PLCB4: variants seen among roughly 807,000 people sequenced by gnomAD.
PLCB4 encodes phospholipase C beta 4, also known as 1-phosphatidylinositol 4,5-bisphosphate phosphodiesterase beta-4.
In PLCB4, 77 loss-of-function variants were observed where a neutral mutation model predicts 178.8. The observed-to-expected ratio is 0.43, with a 90% CI of 0.36 to 0.52. The LOEUF (loss-of-function observed/expected upper bound fraction) is 0.52, where lower values mean the gene tolerates loss of function less well. Among genes scored for constraint, PLCB4 ranks in the 20% least tolerant of loss-of-function variants. The pLI is 0.00. For missense variants in PLCB4, 1,024 were observed against 1,453.4 expected (o/e 0.70, Z 4.80); for synonymous variants, 496 against 490.8 (o/e 1.01, Z -0.14).
At chr20:9,350,847 C>T (rs953495446) in intron 7 of PLCB4, among the ~76,000 whole-genome samples, 45 of 152,190 alleles carry the variant, frequency 3.0e-4, no homozygotes, top group African/African-American at 1.0e-3. Flanking sequence ...CGTGAGCCAC[C>T]GTGCACAGCC....
chr20:9,410,991 T>A, intron 24 of PLCB4, 46 bp from the exon 25 acceptor site: 1 of 1,448,598 alleles, frequency 6.9e-7, no homozygotes, highest in East Asian at 2.3e-5. Context: ...CAGGGTCTTT[T>A]TTGTCTAGGA....
intron 17 of PLCB4, among the ~76,000 whole-genome samples, chr20:9,392,772 G>A (rs1263138252): frequency 6.6e-6 from 1 of 152,124 alleles, no homozygotes; most frequent in Admixed American, 6.5e-5. Context: ...GTTATACCAC[G>A]CTGCTGGAAG....
At chr20:9,190,505 CT>C (rs1289722512) in intron 2 of PLCB4, among the ~76,000 whole-genome samples, 4 of 152,162 alleles carry the variant, frequency 2.6e-5, no homozygotes, top group Admixed American at 2.0e-4. Context: ...TTGTAAACCT[CT>C]TTTCTTTATA....
chr20:9,476,604 G>T (rs2044562276), intron 38 of PLCB4, 113 bp from the exon 39 acceptor site: 9 of 711,892 alleles, frequency 1.3e-5, no homozygotes, highest in Admixed American at 4.5e-5. Flanking sequence ...TTAGCTTTTT[G>T]CTTTTCTGTA....
In PLCB4 at chr20:9,373,517, C is replaced by A. The variant is rs374844668; in HGVS notation, c.744+413C>A. Among the ~76,000 whole-genome samples the A allele has an allele frequency of 3.7e-4, 57 of 152,218 alleles. No individual in the cohort carries two copies. The East Asian group carries it at 9.6e-3, about 26-fold the overall frequency. On this transcript the variant is annotated intron_variant, in intron 12 of 39. Transcript: ENST00000378473. ...CTCCATTGCTAACTTTATCTCATAC[C>A]TTTGCATGGACTGGAAAGCTTTATT...
At chr20:9,397,865 T>C (rs1792124200) in intron 19 of PLCB4, among the ~76,000 whole-genome samples, 1 of 152,204 alleles carries the variant, frequency 6.6e-6, no homozygotes, top group Non-Finnish European at 1.5e-5. Context: ...TCTGTCATAA[T>C]TCTGTGGGTC....
chr20:9,213,724 T>G (rs997381110), intron 2 of PLCB4, among the ~76,000 whole-genome samples: 1 of 152,226 alleles, frequency 6.6e-6, no homozygotes, highest in African/African-American at 2.4e-5. Context: ...TTTTAACCAT[T>G]TGAGCAACTG....
intron 14 of PLCB4, among the ~76,000 whole-genome samples, chr20:9,385,119 TTGGGG>T (rs2037473891): frequency 6.6e-6 from 1 of 152,108 alleles, no homozygotes; most frequent in Non-Finnish European, 1.5e-5. Context: ...GAGCACGGGG[TTGGGG>T]GTAAGATTAT....
At chr20:9,444,942 A>G (rs1443173616) in intron 32 of PLCB4, among the ~76,000 whole-genome samples, 2 of 152,184 alleles carry the variant, frequency 1.3e-5, no homozygotes, top group Non-Finnish European at 2.9e-5. Context: ...GCACCTAGAG[A>G]GAGAACACTT....
chr20:9,186,845 G>A (rs1221993377), intron 2 of PLCB4, among the ~76,000 whole-genome samples: 1 of 152,124 alleles, frequency 6.6e-6, no homozygotes, highest in Non-Finnish European at 1.5e-5. Context: ...AACCCCCAAT[G>A]AAACCATCAG....
intron 2 of PLCB4, among the ~76,000 whole-genome samples, chr20:9,201,491 A>C (rs549656744): frequency 7.1e-4 from 108 of 152,292 alleles, no homozygotes; most frequent in Non-Finnish European, 1.4e-3. Context: ...TGTAGAGGGA[A>C]TATTTCTTCT....
At chr20:9,308,349 G>C (rs1011093094) in intron 4 of PLCB4, among the ~76,000 whole-genome samples, 15 of 152,142 alleles carry the variant, frequency 9.9e-5, no homozygotes, top group Non-Finnish European at 1.9e-4. Flanking sequence ...CCAAAGCTTT[G>C]CATGCCTCTG....
At chr20:9,131,524 C>A (rs2092272657) in intron 2 of PLCB4, among the ~76,000 whole-genome samples, 1 of 152,162 alleles carries the variant, frequency 6.6e-6, no homozygotes, top group African/African-American at 2.4e-5. Flanking sequence ...CAGAGTGCTT[C>A]TGTTTGGCCC....
At chr20:9,395,061 G>A (rs1007769222) in intron 18 of PLCB4, among the ~76,000 whole-genome samples, 53 of 151,866 alleles carry the variant, frequency 3.5e-4, no homozygotes, top group Admixed American at 2.0e-4. Flanking sequence ...GTCTTATTTT[G>A]TATAGTAGGA....
At chr20:9,076,982 C>G (rs1445912144) in intron 1 of PLCB4, among the ~76,000 whole-genome samples, 2 of 151,676 alleles carry the variant, frequency 1.3e-5, no homozygotes, top group Non-Finnish European at 2.9e-5. Flanking sequence ...GTTTAGAATG[C>G]CTCTTTCCCT....
At chr20:9,082,597 A>C (rs759806474) in intron 1 of PLCB4, among the ~76,000 whole-genome samples, 7 of 152,228 alleles carry the variant, frequency 4.6e-5, no homozygotes, top group Non-Finnish European at 1.0e-4. Flanking sequence ...AGTGCAGACA[A>C]CATTTAGGAG....
At chr20:9,140,435 AC>A (rs2092465122) in intron 2 of PLCB4, among the ~76,000 whole-genome samples, 1 of 152,080 alleles carries the variant, frequency 6.6e-6, no homozygotes, top group Non-Finnish European at 1.5e-5. Flanking sequence ...CCTGTTAGGT[AC>A]TGATAAGTGC....
At chr20:9,135,465 T>C (rs2092363223) in intron 2 of PLCB4, among the ~76,000 whole-genome samples, 1 of 152,086 alleles carries the variant, frequency 6.6e-6, no homozygotes, top group Non-Finnish European at 1.5e-5. Flanking sequence ...GATTTGCCCA[T>C]GGAGACATAT....
intron 2 of PLCB4, among the ~76,000 whole-genome samples, chr20:9,197,701 C>T (rs998862325): frequency 6.6e-6 from 1 of 152,228 alleles, no homozygotes; most frequent in African/African-American, 2.4e-5. Context: ...CCAGGCCGGG[C>T]GCGGTGGCGC....
Sources: gnomAD v4.1 joint callset for allele counts (sites outside exome capture counted in the v4.1 genomes callset) on GRCh38, gnomAD v4.1.1 for gene constraint, MANE v1.5 for transcripts, NCBI Gene and HGNC (gene_info 2026-07-23, HGNC 2026-07-21) for gene names.